PAPPA: variants seen among roughly 807,000 people sequenced by gnomAD.
PAPPA encodes pappalysin-1.
In PAPPA, 60 loss-of-function variants were observed where a neutral mutation model predicts 164.0. The observed-to-expected ratio is 0.37, with a 90% CI of 0.30 to 0.45. The LOEUF (loss-of-function observed/expected upper bound fraction) is 0.45, where lower values mean the gene tolerates loss of function less well. PAPPA is among the 20% of genes least tolerant of loss of function. PAPPA has a pLI of 1.00. For synonymous variants in PAPPA, 875 were observed against 814.1 expected (o/e 1.07, Z -1.27); for missense variants, 1,782 against 2,087.3 (o/e 0.85, Z 2.85).
intron 9 of PAPPA, among the ~76,000 whole-genome samples, chr9:116,279,776 A>C (rs947352535): frequency 1.5e-4 from 23 of 152,176 alleles, no homozygotes; most frequent in Admixed American, 1.2e-3. Context: ...ACTGAGGCGG[A>C]CTGGGAGAGG....
chr9:116,340,749 C>T (rs1214868804), intron 13 of PAPPA, among the ~76,000 whole-genome samples: 2 of 152,086 alleles, frequency 1.3e-5, no homozygotes, highest in East Asian at 3.9e-4. Context: ...CAATGTGTAC[C>T]TTAGCCCCTT....
intron 2 of PAPPA, among the ~76,000 whole-genome samples, chr9:116,200,886 A>G (rs556715371): frequency 6.6e-6 from 1 of 152,322 alleles, no homozygotes; most frequent in South Asian, 2.1e-4. Context: ...AATGGAGGTA[A>G]GGAAAGAATG....
chr9:116,285,457 G>C (rs1235592083), intron 9 of PAPPA, among the ~76,000 whole-genome samples: 4 of 152,086 alleles, frequency 2.6e-5, no homozygotes, highest in Non-Finnish European at 5.9e-5. Flanking sequence ...ACCATCTTGT[G>C]CTTTATACCT....
intron 18 of PAPPA, among the ~76,000 whole-genome samples, chr9:116,365,055 C>T (rs1846481388): frequency 6.6e-6 from 1 of 152,194 alleles, no homozygotes; most frequent in South Asian, 2.1e-4. Context: ...ATCCACTCCT[C>T]AGCCCCAGCT....
intron 18 of PAPPA, among the ~76,000 whole-genome samples, chr9:116,367,426 G>A (rs1846515358): frequency 6.6e-6 from 1 of 152,240 alleles, no homozygotes; most frequent in Admixed American, 6.5e-5. Context: ...GAGCCAATGA[G>A]TGTGGCAGCA....
chr9:116,241,362 T>G (rs1172281014), intron 7 of PAPPA, among the ~76,000 whole-genome samples: 1 of 152,080 alleles, frequency 6.6e-6, no homozygotes, highest in East Asian at 1.9e-4. Flanking sequence ...TGGAAAAGAT[T>G]TAGTGATTTT....
intron 6 of PAPPA, among the ~76,000 whole-genome samples, chr9:116,231,778 T>TTTTTTTTTTTTG (rs1564192736): frequency 1.4e-5 from 2 of 144,094 alleles, no homozygotes; most frequent in African/African-American, 2.6e-5. Flanking sequence ...TTTTTTTTTT[T>TTTTTTTTTTTTG]GAGATGGAGT....
chr9:116,166,990 G>A (rs35644126), intron 1 of PAPPA, among the ~76,000 whole-genome samples: 1 of 152,212 alleles, frequency 6.6e-6, no homozygotes, highest in East Asian at 1.9e-4. Flanking sequence ...GGAAGAAATA[G>A]AGGAAAAATC....
intron 7 of PAPPA, among the ~76,000 whole-genome samples, chr9:116,252,367 A>G (rs894891045): frequency 6.6e-6 from 1 of 152,218 alleles, no homozygotes; most frequent in Non-Finnish European, 1.5e-5. Context: ...AATGGGTTGG[A>G]GCTCACAGTG....
intron 9 of PAPPA, among the ~76,000 whole-genome samples, chr9:116,280,708 C>T (rs1021404024): frequency 3.9e-5 from 6 of 152,218 alleles, no homozygotes; most frequent in African/African-American, 1.4e-4. Flanking sequence ...TGCATGCTTG[C>T]ACAGACCAGG....
At chr9:116,184,307 A>C (rs933463060) in intron 1 of PAPPA, among the ~76,000 whole-genome samples, 1 of 152,156 alleles carries the variant, frequency 6.6e-6, no homozygotes, top group African/African-American at 2.4e-5. Context: ...TTTAATATGT[A>C]GTCTCATGAT....
In PAPPA at chr9:116,220,138, G is replaced by T. The variant is rs753738805; in HGVS notation, c.2111+9G>T. On this transcript the variant is annotated intron_variant, in intron 5 of 21. Transcript: ENST00000328252. ...GGCCATTTCTTTGAAAGGTGAGTGT[G>T]CCCTGTGTAGTGTTGATCCCTCTCT... The T allele has an allele frequency of 8.1e-6, 13 of 1,606,136 alleles. No individual in the cohort carries two copies. The highest frequency in any genetic ancestry group is 4.4e-5 in the South Asian group (4 of 90,838).
chr9:116,213,014 A>T (rs556685400), intron 4 of PAPPA, among the ~76,000 whole-genome samples: 2 of 151,882 alleles, frequency 1.3e-5, no homozygotes, highest in Non-Finnish European at 2.9e-5. Context: ...TTTCTCTTTT[A>T]CTCTTGTATT....
chr9:116,202,323 G>A (rs1309483089), intron 2 of PAPPA, among the ~76,000 whole-genome samples: 1 of 152,142 alleles, frequency 6.6e-6, no homozygotes, highest in African/African-American at 2.4e-5. Context: ...GCCATCTCAG[G>A]CCAGTGCATT....
chr9:116,236,431 A>C (rs1406772450), intron 7 of PAPPA, among the ~76,000 whole-genome samples: 1 of 151,894 alleles, frequency 6.6e-6, no homozygotes, highest in Non-Finnish European at 1.5e-5. Context: ...CTAATAATAC[A>C]AAAAAATTAG....
chr9:116,279,300 G>T (rs1274671092), intron 9 of PAPPA, among the ~76,000 whole-genome samples: 5 of 152,144 alleles, frequency 3.3e-5, no homozygotes, highest in African/African-American at 1.2e-4. Flanking sequence ...TGGGGCGGAA[G>T]GCTGACGTGC....
intron 13 of PAPPA, among the ~76,000 whole-genome samples, chr9:116,341,751 G>C (rs1350826359): frequency 1.3e-5 from 2 of 152,160 alleles, no homozygotes; most frequent in African/African-American, 4.8e-5. Flanking sequence ...CCCCAGTGAA[G>C]GTCTGTTGAA....
At chr9:116,158,221 C>G (rs1843625845) in intron 1 of PAPPA, among the ~76,000 whole-genome samples, 1 of 152,036 alleles carries the variant, frequency 6.6e-6, no homozygotes, top group Admixed American at 6.5e-5. Context: ...TTTTCCTTCC[C>G]TTCTGCACCC....
At chr9:116,160,608 GA>G (rs758096176) in intron 1 of PAPPA, among the ~76,000 whole-genome samples, 1 of 152,182 alleles carries the variant, frequency 6.6e-6, no homozygotes, top group Non-Finnish European at 1.5e-5. Context: ...GGTACTAGAG[GA>G]CTCCCTCTAT....
Sources: allele counts gnomAD v4.1 joint callset (sites outside exome capture counted in the v4.1 genomes callset), GRCh38; gene constraint gnomAD v4.1.1; transcripts MANE v1.5; gene names NCBI Gene and HGNC (gene_info 2026-07-23, HGNC 2026-07-21).